The following LRP5 variants were observed in gnomAD, a reference collection of about 807,000 sequenced individuals.
The protein encoded by LRP5 is LDL receptor related protein 5.
A neutral mutation model predicts 154.1 loss-of-function variants in LRP5; 62 were observed. That is an observed-to-expected ratio of 0.40 (90% CI 0.33 to 0.50). LRP5 has a LOEUF of 0.50. LRP5 is among the 20% of genes least tolerant of loss of function. LRP5 has a pLI of 0.55. For missense variants in LRP5, 1,915 were observed against 2,336.7 expected (o/e 0.82, Z 3.72); for synonymous variants, 966 against 1,011.5 (o/e 0.96, Z 0.85).
At position 68,334,293 on chromosome 11, in the gene LRP5, CG is replaced by C. The variant is rs536392214; in HGVS notation, c.92-13549del. 7.7e-3 allele frequency among the ~76,000 whole-genome samples: 1,171 copies of C among 152,020 alleles called. 16 individuals are homozygous for C. Among genetic ancestry groups the C allele is most frequent in the Non-Finnish European group, 6.5e-3 (444 of 67,968 alleles). Reference sequence around the variant, plus strand: ...CGAGGGTGGTGCTATGTAGAGGTGTCGGGGGTGATTGGCATCCAGCATCCGG... The same window carrying C: ...CGAGGGTGGTGCTATGTAGAGGTGTCGGGGTGATTGGCATCCAGCATCCGG... On this transcript the variant is annotated intron_variant, in intron 1 of 22. Transcript: ENST00000294304.
At chr11:68,344,627 CTT>C (rs751757450) in intron 1 of LRP5, among the ~76,000 whole-genome samples, 92 of 151,386 alleles carry the variant, frequency 6.1e-4, no homozygotes, top group Admixed American at 1.5e-3. Flanking sequence ...GCCCAGAACT[CTT>C]TAATTCCCAC....
At chr11:68,361,010 A>T (rs1395450174) in intron 3 of LRP5, among the ~76,000 whole-genome samples, 1 of 135,628 alleles carries the variant, frequency 7.4e-6, no homozygotes, top group East Asian at 2.1e-4. Context: ...AAAAAAAAAA[A>T]AAAAAAAAAA....
At chr11:68,383,514 C>T (rs922582071) in intron 5 of LRP5, among the ~76,000 whole-genome samples, 3 of 152,328 alleles carry the variant, frequency 2.0e-5, no homozygotes, top group South Asian at 2.1e-4. Flanking sequence ...ACTCGGGCAT[C>T]GCCAAGCCTG....
intron 14 of LRP5, among the ~76,000 whole-genome samples, chr11:68,424,894 C>A (rs75776943): frequency 6.6e-6 from 1 of 152,196 alleles, no homozygotes; most frequent in African/African-American, 2.4e-5. Flanking sequence ...TTGTAAAGAC[C>A]CTGCTTCCAA....
chr11:68,395,712 G>T (rs539534144), intron 7 of LRP5, among the ~76,000 whole-genome samples: 42 of 152,226 alleles, frequency 2.8e-4, no homozygotes, highest in African/African-American at 9.6e-4. Flanking sequence ...GACCCGCCCT[G>T]CCATCCACCT....
intron 5 of LRP5, among the ~76,000 whole-genome samples, chr11:68,369,272 T>C (rs2153142532): frequency 6.6e-6 from 1 of 152,310 alleles, no homozygotes; most frequent in South Asian, 2.1e-4. Flanking sequence ...GAGAGCTGGC[T>C]TGGGGCCTGG....
chr11:68,434,002 T>A (rs139201002), intron 18 of LRP5, among the ~76,000 whole-genome samples, 164 bp downstream of exon 18: 176 of 152,338 alleles, frequency 1.2e-3, no homozygotes, highest in Non-Finnish European at 1.5e-3. Context: ...AACTCTGCAG[T>A]TCCACCCATC....
intron 7 of LRP5, among the ~76,000 whole-genome samples, chr11:68,394,447 G>A (rs1420080089): frequency 2.0e-5 from 3 of 151,836 alleles, no homozygotes; most frequent in Non-Finnish European, 4.4e-5. Context: ...AATGACGTGA[G>A]CACTGCGTGT....
chr11:68,374,754 G>T (rs1310259112), intron 5 of LRP5, among the ~76,000 whole-genome samples: 3 of 152,168 alleles, frequency 2.0e-5, no homozygotes, highest in Non-Finnish European at 4.4e-5. Flanking sequence ...GAACTACATG[G>T]AAATGGAACC....
chr11:68,449,204 A>G lies in LRP5; in HGVS notation c.*134A>G. Reference sequence around the variant, plus strand: ...AAAAACATGAGAAATGTGAACTGTGATGGGGTGGGCAGGGCTGGGAGAACT... The same window carrying G: ...AAAAACATGAGAAATGTGAACTGTGGTGGGGTGGGCAGGGCTGGGAGAACT... On this transcript the variant is annotated 3_prime_UTR_variant, in exon 23 of 23. Transcript: ENST00000294304. The G allele has an allele frequency of 1.3e-5, 4 of 315,244 alleles. 1 individual carries two copies. The South Asian group carries it at 1.4e-4, about 11-fold the overall frequency. 19.5% of individuals were successfully genotyped at this position (315,244 alleles called of 1,614,324 possible).
At chr11:68,340,442 TTTAA>T (rs1159835552) in intron 1 of LRP5, among the ~76,000 whole-genome samples, 1 of 152,126 alleles carries the variant, frequency 6.6e-6, no homozygotes, top group Non-Finnish European at 1.5e-5. Context: ...GAAGGCAACA[TTTAA>T]TTAATGAAAA....
chr11:68,330,980 C>A (rs2098602436), intron 1 of LRP5, among the ~76,000 whole-genome samples: 1 of 152,228 alleles, frequency 6.6e-6, no homozygotes, highest in African/African-American at 2.4e-5. Flanking sequence ...ACTTCTGCCT[C>A]TAGGCCAGTG....
intron 2 of LRP5, among the ~76,000 whole-genome samples, chr11:68,348,876 C>T (rs1485703523): frequency 6.6e-6 from 1 of 151,292 alleles, no homozygotes; most frequent in Admixed American, 6.6e-5. Flanking sequence ...CCTGGGAGAT[C>T]GAGGCTGCAG....
chr11:68,365,404 G>A (rs978897533), intron 4 of LRP5, among the ~76,000 whole-genome samples, 167 bp from the exon 5 acceptor site: 13 of 152,028 alleles, frequency 8.6e-5, no homozygotes, highest in African/African-American at 2.9e-4. Flanking sequence ...CGATGAGGCA[G>A]GTGGAATGGT....
intron 6 of LRP5, among the ~76,000 whole-genome samples, chr11:68,388,279 G>T (rs1185325804): frequency 6.6e-6 from 1 of 152,088 alleles, no homozygotes; most frequent in Non-Finnish European, 1.5e-5. Context: ...CGGCCCTGAG[G>T]TCAGGAGCTT....
At chr11:68,325,157 A>C (rs1330513351) in intron 1 of LRP5, among the ~76,000 whole-genome samples, 3 of 152,138 alleles carry the variant, frequency 2.0e-5, no homozygotes, top group African/African-American at 7.2e-5. Context: ...CAGTGATCTG[A>C]TCTCACCACA....
At position 68,436,910 on chromosome 11, in the gene LRP5, TC is replaced by T; in HGVS notation, c.4024del (p.Arg1342GlyfsTer97). The T allele has an allele frequency of 6.2e-7, 1 of 1,613,774 alleles. No homozygotes were observed. Among genetic ancestry groups the T allele is most frequent in the Non-Finnish European group, 8.5e-7 (1 of 1,179,924 alleles). ...DCDAICLPNQ[F>X]RCASGQCVLI... ...GCAGCCATCTGCCTGCCCAACCAGT[TC>T]CGGTGTGCGAGCGGCCAGTGTGTCC... On this transcript the variant is annotated frameshift_variant, in exon 19 of 23. Transcript: ENST00000294304. LOFTEE classifies it high-confidence loss of function.
chr11:68,360,162 C>T (rs1281359967), intron 3 of LRP5, among the ~76,000 whole-genome samples: 6 of 152,148 alleles, frequency 3.9e-5, no homozygotes, highest in Non-Finnish European at 5.9e-5. Context: ...CAGGCACGTA[C>T]CACCACGCCT....
intron 2 of LRP5, among the ~76,000 whole-genome samples, chr11:68,357,020 C>T (rs1210160663): frequency 2.6e-5 from 4 of 151,836 alleles, no homozygotes; most frequent in South Asian, 2.1e-4. Context: ...ACTGCAACCT[C>T]CCCCTCCCGG....
Sources: allele counts gnomAD v4.1 joint callset (sites outside exome capture counted in the v4.1 genomes callset), GRCh38; gene constraint gnomAD v4.1.1; transcripts MANE v1.5; gene names NCBI Gene and HGNC (gene_info 2026-07-23, HGNC 2026-07-21).